Variants in IMPG2 observed in about 807,000 individuals in gnomAD.
The protein encoded by IMPG2 is IPM 200.
A neutral mutation model predicts 129.2 loss-of-function variants in IMPG2; 91 were observed. That is an observed-to-expected ratio of 0.70 (90% CI 0.59 to 0.84). The LOEUF is 0.84. Among genes scored for constraint, IMPG2 ranks in the 40% least tolerant of loss-of-function variants. The probability of loss-of-function intolerance (pLI) is 0.00; values close to 1 mark genes in which losing one functional copy is unlikely to be tolerated. For missense variants in IMPG2, 1,430 were observed against 1,461.7 expected, an observed-to-expected ratio of 0.98 and a Z score of 0.35; for synonymous variants, 510 against 517.7, an observed-to-expected ratio of 0.99 and a Z score of 0.20.
At chr3:101,285,810 A>G (rs1455454570) in intron 4 of IMPG2, among the ~76,000 whole-genome samples, 1 of 152,162 alleles carries the variant, frequency 6.6e-6, no homozygotes, top group African/African-American at 2.4e-5. Context: ...TGGTAGATTT[A>G]CGGGGTACAA....
chr3:101,255,852 C>T (rs1706592654), intron 10 of IMPG2, among the ~76,000 whole-genome samples: 1 of 151,636 alleles, frequency 6.6e-6, no homozygotes, highest in African/African-American at 2.4e-5. Flanking sequence ...AAATATAAAG[C>T]CTCCCTAATG....
At chr3:101,308,342 C>A (rs1014671090) in intron 2 of IMPG2, among the ~76,000 whole-genome samples, 2 of 152,346 alleles carry the variant, frequency 1.3e-5, no homozygotes, top group African/African-American at 4.8e-5. Context: ...CATGAGGGCT[C>A]CACCCCTGCA....
chr3:101,311,134 G>C (rs144015370), intron 2 of IMPG2, among the ~76,000 whole-genome samples: 4 of 149,472 alleles, frequency 2.7e-5, no homozygotes, highest in Non-Finnish European at 5.9e-5. Context: ...AGGGGCACAT[G>C]ACTAATGAAG....
At chr3:101,267,482 T>A in intron 9 of IMPG2, 29 bp downstream of exon 9, 1 of 1,599,216 alleles carries the variant, frequency 6.3e-7, no homozygotes, top group Non-Finnish European at 8.6e-7. Flanking sequence ...CCCAATTCAA[T>A]GGACATTAGA....
chr3:101,265,901 G>C (rs1706716685), intron 9 of IMPG2, among the ~76,000 whole-genome samples: 1 of 151,984 alleles, frequency 6.6e-6, no homozygotes, highest in South Asian at 2.1e-4. Flanking sequence ...GATATGAATA[G>C]ACATTTCTCA....
chr3:101,315,899 A>AG lies in IMPG2; in HGVS notation c.334+3684dup, dbSNP rs552739641. On this transcript the variant is annotated intron_variant, in intron 2 of 18. Coordinates refer to ENST00000193391, the MANE Select transcript of IMPG2 (RefSeq NM_016247.4). ...ATTCAAGACCTATAATAAAGCTTAC[A>AG]GTAAATAAGACACTATGGTATTGGC... Among the ~76,000 whole-genome samples, 1,076 of 152,264 alleles carry AG rather than the reference A, an allele frequency of 7.1e-3. 10 individuals are homozygous for AG. The highest frequency in any genetic ancestry group is 0.025 in the African/African-American group (1,023 of 41,576).
At chr3:101,256,249 TA>T (rs1706608006) in intron 10 of IMPG2, among the ~76,000 whole-genome samples, 1 of 150,452 alleles carries the variant, frequency 6.6e-6, no homozygotes, top group East Asian at 2.0e-4. Flanking sequence ...AATAAGAGAT[TA>T]AATCACACAC....
intron 4 of IMPG2, among the ~76,000 whole-genome samples, chr3:101,282,607 G>T (rs971277463): frequency 1.4e-4 from 21 of 152,144 alleles, no homozygotes; most frequent in African/African-American, 5.1e-4. Context: ...GTTTCAACAT[G>T]ATTAATATAT....
chr3:101,282,701 C>T (rs1706904993), intron 4 of IMPG2, among the ~76,000 whole-genome samples: 2 of 152,136 alleles, frequency 1.3e-5, no homozygotes, highest in Non-Finnish European at 2.9e-5. Flanking sequence ...ACAAACAAAA[C>T]CACCCAGATG....
At chr3:101,269,873 GA>G (rs201737087) in intron 7 of IMPG2, among the ~76,000 whole-genome samples, 1 of 142,472 alleles carries the variant, frequency 7.0e-6, no homozygotes, top group African/African-American at 2.6e-5. Context: ...GATGAAATGT[GA>G]AAAAAAAATT....
At chr3:101,262,015 C>T (rs1045906652) in intron 9 of IMPG2, among the ~76,000 whole-genome samples, 3 of 152,062 alleles carry the variant, frequency 2.0e-5, no homozygotes, top group African/African-American at 7.2e-5. Flanking sequence ...ACATTAATCA[C>T]ATGGAAGTGA....
intron 10 of IMPG2, among the ~76,000 whole-genome samples, chr3:101,254,128 C>G (rs184289527): frequency 6.6e-6 from 1 of 152,078 alleles, no homozygotes; most frequent in East Asian, 1.9e-4. Context: ...AAAAGTTGTA[C>G]TGAAATTTCA....
chr3:101,304,841 T>A (rs1379661568), intron 2 of IMPG2, among the ~76,000 whole-genome samples: 16 of 131,762 alleles, frequency 1.2e-4, no homozygotes, highest in Admixed American at 5.1e-4. Context: ...CAAAAAGTCA[T>A]CACATATTTC....
rs769451704 is a variant in IMPG2, at chr3:101,229,525, T to C, written c.3488A>G (p.Tyr1163Cys). Residue 1163 changes from tyrosine to cysteine, a missense_variant, in exon 17 of 19, where the codon TAT (tyrosine) becomes TGT (cysteine). Coordinates refer to ENST00000193391, the MANE Select transcript of IMPG2 (RefSeq NM_016247.4). ...IENAVKYNPV[Y>C]ESHRAGCEKY... ...CTCACATCCAGCCCTGTGACTTTCATACACGGGGTTGTACTTCACAGCATT... is the reference window on the plus strand; with the variant it reads ...CTCACATCCAGCCCTGTGACTTTCACACACGGGGTTGTACTTCACAGCATT... The C allele has an allele frequency of 3.1e-6, 5 of 1,614,004 alleles. No homozygotes were observed. Among genetic ancestry groups the C allele is most frequent in the Middle Eastern group, 1.7e-4 (1 of 5,908 alleles).
At chr3:101,249,149 G>T (rs1056076124) in intron 11 of IMPG2, among the ~76,000 whole-genome samples, 1 of 152,144 alleles carries the variant, frequency 6.6e-6, no homozygotes, top group Admixed American at 6.6e-5. Context: ...GATGGTAGTG[G>T]CAATTGCTTC....
chr3:101,318,475 AAT>A (rs905750796), intron 2 of IMPG2, among the ~76,000 whole-genome samples: 3 of 152,094 alleles, frequency 2.0e-5, no homozygotes, highest in African/African-American at 7.2e-5. Context: ...AAAAATATCA[AAT>A]ATATAAATAT....
intron 3 of IMPG2, among the ~76,000 whole-genome samples, chr3:101,295,093 A>T (rs1055338582): frequency 2.0e-5 from 3 of 152,104 alleles, no homozygotes; most frequent in Admixed American, 6.5e-5. Flanking sequence ...ATTAGATCTC[A>T]TTTGTCAATT....
intron 4 of IMPG2, among the ~76,000 whole-genome samples, chr3:101,280,452 G>T (rs1706880469): frequency 6.6e-6 from 1 of 152,148 alleles, no homozygotes; most frequent in Non-Finnish European, 1.5e-5. Context: ...TACCTTAGTT[G>T]CTCTGGGCCT....
intron 1 of IMPG2, 35 bp from the exon 2 acceptor site, chr3:101,319,867 T>A (rs1241217074): frequency 1.9e-6 from 3 of 1,600,504 alleles, no homozygotes; most frequent in Non-Finnish European, 1.7e-6. Context: ...TCTTCGATAA[T>A]GAAGATACAG....
Sources: allele counts gnomAD v4.1 joint callset (sites outside exome capture counted in the v4.1 genomes callset), GRCh38; gene constraint gnomAD v4.1.1; transcripts MANE v1.5; gene names NCBI Gene and HGNC (gene_info 2026-07-23, HGNC 2026-07-21).